MYO7A: variants seen among roughly 807,000 people sequenced by gnomAD.
The protein encoded by MYO7A is unconventional myosin-VIIa.
Under a neutral mutation model 263.8 loss-of-function variants are expected in MYO7A, and 210 were observed. That is an observed-to-expected ratio of 0.80 (90% confidence interval 0.71 to 0.89). The LOEUF is 0.89. MYO7A is among the 40% of genes least tolerant of loss of function. The pLI is 0.00. For missense variants in MYO7A, 2,820 were observed against 2,968.3 expected, an observed-to-expected ratio of 0.95 and a Z score of 1.16; for synonymous variants, 1,239 against 1,197.3, an observed-to-expected ratio of 1.03 and a Z score of -0.72.
chr11:77,155,860 G>C, intron 4 of MYO7A, 47 bp from the exon 5 acceptor site: 1 of 1,508,116 alleles, frequency 6.6e-7, no homozygotes, highest in Non-Finnish European at 8.9e-7. Context: ...TAGAGTCAGA[G>C]TCTCCCACAT....
chr11:77,157,127 T>TC, intron 7 of MYO7A, 123 bp downstream of exon 7: 1 of 1,455,072 alleles, frequency 6.9e-7, no homozygotes, highest in South Asian at 1.2e-5. Flanking sequence ...GCTGCCTGCT[T>TC]CCCTCTGTGC....
chr11:77,142,422 GGGAGAGC>G, intron 2 of MYO7A: 1 of 326,154 alleles, frequency 3.1e-6, no homozygotes, highest in Non-Finnish European at 6.2e-6. Context: ...TAGATCCATG[GGGAGAGC>G]TGGGCTTTGA....
Position 77,198,499 on chromosome 11 carries a change from C to T in MYO7A, c.4446C>T (p.Pro1482=), listed in dbSNP as rs538830145. 3 of 1,613,740 alleles carry T rather than the reference C, an allele frequency of 1.9e-6. No individual in the cohort carries two copies. Among genetic ancestry groups the T allele is most frequent in the South Asian group, 1.1e-5 (1 of 91,080 alleles). ...AGTGCCTTGGTCTCGTCCCAGGCCC[C>T]AGTCTCCCCAAGAACGACGTCATCG... ...RFYEAYKFSG[P]SLPKNDVIVA... is the part of the protein sequence containing the mutation. Residue 1482 remains proline, a synonymous_variant, in exon 34 of 49, where the codon CCC becomes CCT. Transcript: ENST00000409709.
At chr11:77,208,966 C>A (rs1957676505) in intron 44 of MYO7A, 163 bp downstream of exon 44, 1 of 617,956 alleles carries the variant, frequency 1.6e-6, no homozygotes, top group Non-Finnish European at 2.9e-6. Flanking sequence ...GATGGCCCAA[C>A]CCCTGATCCT....
At chr11:77,195,430 C>A (rs1956577418) in intron 32 of MYO7A, among the ~76,000 whole-genome samples, 1 of 152,356 alleles carries the variant, frequency 6.6e-6, no homozygotes, top group East Asian at 1.9e-4. Flanking sequence ...ATGCCGGCAG[C>A]CACTGCAGCC....
intron 39 of MYO7A, 51 bp from the exon 40 acceptor site, chr11:77,205,411 G>A: frequency 6.5e-7 from 1 of 1,535,748 alleles, no homozygotes; most frequent in African/African-American, 1.4e-5. Flanking sequence ...CACAGGTCCT[G>A]TGACTCCCGA....
intron 38 of MYO7A, among the ~76,000 whole-genome samples, chr11:77,203,825 C>T (rs1957247771): frequency 6.6e-6 from 1 of 152,144 alleles, no homozygotes; most frequent in African/African-American, 2.4e-5. Flanking sequence ...AACCACTGGG[C>T]AGGGGGTGGC....
intron 26 of MYO7A, among the ~76,000 whole-genome samples, chr11:77,184,316 G>A (rs1555086904): frequency 2.0e-5 from 3 of 152,208 alleles, no homozygotes; most frequent in African/African-American, 7.2e-5. Context: ...GGGGTGGGGT[G>A]TGGGGTGCAG....
Position 77,211,196 on chromosome 11 carries a change from G to C in MYO7A, c.6096G>C (p.Glu2032Asp), listed in dbSNP as rs772154112. Reference protein sequence around the residue: ...YLRGYHKCTREEVLQLGALIY... With the variant: ...YLRGYHKCTRDEVLQLGALIY... ...GAGGCTACCACAAGTGCACGCGGGAGGAGGTGCTGCAGCTGGGGGCGCTGA... is the reference window on the plus strand; with the variant it reads ...GAGGCTACCACAAGTGCACGCGGGACGAGGTGCTGCAGCTGGGGGCGCTGA... The change falls in exon 45 of 49, where the codon GAG becomes GAC. Residue 2032 changes from glutamate to aspartate, a missense_variant. Physicochemically the swap from Glu to Asp is conservative, Grantham distance 45. Transcript: ENST00000409709. The C allele has an allele frequency of 6.3e-7, 1 of 1,593,532 alleles. No homozygotes were observed. Among genetic ancestry groups the C allele is most frequent in the Admixed American group, 1.7e-5 (1 of 57,214 alleles).
Position 77,211,823 on chromosome 11 carries a change from C to T in MYO7A, c.6240C>T (p.Ser2080=), listed in dbSNP as rs41298757. The change falls in exon 46 of 49, where the codon TCC becomes TCT. Residue 2080 remains serine, a splice_region_variant and synonymous_variant. Coordinates refer to ENST00000409709, the MANE Select transcript of MYO7A (RefSeq NM_000260.4). ...CCCTGACCGCCCTGTCCCCATAGTC[C>T]ATCGTCGCCTACTTCAACAAGCACG... ...RQVSPDDWKR[S]IVAYFNKHAG... is the part of the protein sequence containing the mutation. 54,274 of 1,613,416 alleles carry T rather than the reference C, an allele frequency of 0.034. 1,124 individuals are homozygous for T. The highest frequency in any genetic ancestry group is 0.047 in the Middle Eastern group (287 of 6,058).
chr11:77,208,367 G>A (rs1051165822), intron 42 of MYO7A, 63 bp from the exon 43 acceptor site: 14 of 1,297,042 alleles, frequency 1.1e-5, no homozygotes, highest in East Asian at 2.4e-5. Context: ...CAGGCCTTAG[G>A]TGGGAAGGTC....
At chr11:77,130,279 T>C (rs1234581132) in intron 1 of MYO7A, among the ~76,000 whole-genome samples, 1 of 152,256 alleles carries the variant, frequency 6.6e-6, no homozygotes, top group African/African-American at 2.4e-5. Context: ...CAAGTCTTGG[T>C]CCCTCTCTGG....
intron 2 of MYO7A, chr11:77,139,568 C>T (rs1485083336): frequency 2.6e-5 from 4 of 152,078 alleles, no homozygotes; most frequent in Non-Finnish European, 2.9e-5. Context: ...TGGTGGGGTG[C>T]CTGGGGCTAG....
At chr11:77,174,633 T>C in intron 16 of MYO7A, 123 bp from the exon 17 acceptor site, 1 of 989,872 alleles carries the variant, frequency 1.0e-6, no homozygotes, top group Non-Finnish European at 1.5e-6. Flanking sequence ...GTCCCAGCTT[T>C]GCTCCTCCCA....
intron 41 of MYO7A, among the ~76,000 whole-genome samples, chr11:77,206,628 G>A (rs1487367619): frequency 1.3e-5 from 2 of 152,166 alleles, no homozygotes; most frequent in South Asian, 2.1e-4. Context: ...CACCTGAGGT[G>A]GTTGAGGTTC....
Position 77,165,939 on chromosome 11 carries a change from A to G in MYO7A, c.1691-117A>G, listed in dbSNP as rs1488620479. 1.8e-5 allele frequency: 13 copies of G among 713,076 alleles called. No homozygotes were observed. The Admixed American group carries it at 2.2e-4, about 12-fold the overall frequency. 44.2% of individuals were successfully genotyped at this position (713,076 alleles called of 1,614,324 possible). A position where few individuals can be genotyped will look rare whatever the true frequency, so the allele number is the denominator to read the frequency against. ...CCCTCCAGGCCTCAGGGCCCCCGTC[A>G]TGAAATGGATGTGGTGGAACTAGGT... On this transcript the variant is annotated intron_variant, in intron 14 of 48. Coordinates refer to ENST00000409709, the MANE Select transcript of MYO7A (RefSeq NM_000260.4).
Position 77,201,482 on chromosome 11 carries a change from G to A in MYO7A, c.4887G>A (p.Lys1629=). 1 of 1,613,928 alleles carries A rather than the reference G, an allele frequency of 6.2e-7. No individual in the cohort carries two copies. The change falls in exon 36 of 49, where the codon AAG becomes AAA. Residue 1629 remains lysine (K), a synonymous_variant. Coordinates refer to ENST00000409709, the MANE Select transcript of MYO7A (RefSeq NM_000260.4). The part of the protein sequence containing the change: ...GEESGFLSFA[K]GDLIILDHDT... ...AGTCAGGCTTCCTCAGCTTTGCCAAGGGAGACCTCATCATCCTGGACCATG... is the reference window on the plus strand; with the variant it reads ...AGTCAGGCTTCCTCAGCTTTGCCAAAGGAGACCTCATCATCCTGGACCATG...
At chr11:77,160,934 G>T (rs1555068114) in intron 11 of MYO7A, 39 bp from the exon 12 acceptor site, 6 of 1,573,106 alleles carry the variant, frequency 3.8e-6, no homozygotes, top group Non-Finnish European at 5.2e-6. Flanking sequence ...CCCCGGGGGA[G>T]GGTGTGGCTG....
rs1956159749 is a variant in MYO7A at position 77,192,369 on chromosome 11, T to C, written c.4152+91T>C. On this transcript the variant is annotated intron_variant, in intron 31 of 48. Transcript: ENST00000409709. ...CTGAGTGCTCCTCTGTGAGCCATCA[T>C]TAGCTCAGGCTGGGGTGAGCCTGAC... 3 of 1,342,016 alleles carry C rather than the reference T, an allele frequency of 2.2e-6. No individual in the cohort carries two copies. In the South Asian group the frequency reaches 3.8e-5, roughly 17 times the overall value. The allele number at this position is 1,342,016 out of a possible 1,614,324, so 83.1% of individuals were successfully genotyped here.
Sources: gnomAD v4.1 joint callset for allele counts (sites outside exome capture counted in the v4.1 genomes callset) on GRCh38, gnomAD v4.1.1 for gene constraint, MANE v1.5 for transcripts, NCBI Gene and HGNC (gene_info 2026-07-23, HGNC 2026-07-21) for gene names.